Variants in PCSK5 observed in about 807,000 individuals in gnomAD.
PCSK5 encodes prohormone convertase 5.
In PCSK5, 129 loss-of-function variants were observed where a neutral mutation model predicts 233.2. That is an observed-to-expected ratio of 0.55 (90% CI 0.48 to 0.64). PCSK5 has a LOEUF of 0.64. Ranked by LOEUF, PCSK5 falls within the 30% of genes least tolerant of loss-of-function variation. The pLI is 0.00. For missense variants in PCSK5, 2,076 were observed against 2,430.1 expected (o/e 0.85, Z 3.06); for synonymous variants, 825 against 879.2 (o/e 0.94, Z 1.09).
chr9:75,930,992 C>G (rs1189091303), intron 1 of PCSK5, among the ~76,000 whole-genome samples: 1 of 152,184 alleles, frequency 6.6e-6, no homozygotes, highest in Admixed American at 6.5e-5. Context: ...GCTTCCCCGC[C>G]TGCATTCCCC....
chr9:75,998,825 A>G (rs1827136037), intron 3 of PCSK5, among the ~76,000 whole-genome samples: 1 of 152,230 alleles, frequency 6.6e-6, no homozygotes, highest in African/African-American at 2.4e-5. Context: ...GTCTTAAAAC[A>G]AATAGCATAC....
intron 33 of PCSK5, among the ~76,000 whole-genome samples, chr9:76,330,277 A>C (rs1225482440): frequency 6.6e-6 from 1 of 152,228 alleles, no homozygotes; most frequent in Non-Finnish European, 1.5e-5. Flanking sequence ...TCAGGTTCCC[A>C]GGGATACTGT....
intron 2 of PCSK5, among the ~76,000 whole-genome samples, chr9:75,938,893 G>C (rs1824178710): frequency 6.6e-6 from 1 of 152,078 alleles, no homozygotes. Flanking sequence ...CATGTGAAAT[G>C]GCTTCGTGGA....
chr9:76,267,839 T>A (rs1350892992), intron 24 of PCSK5, among the ~76,000 whole-genome samples: 2 of 152,168 alleles, frequency 1.3e-5, no homozygotes, highest in Non-Finnish European at 2.9e-5. Flanking sequence ...ATTTTTGTTC[T>A]CTTTAAGAAT....
chr9:76,045,748 G>C (rs897386177), intron 5 of PCSK5, among the ~76,000 whole-genome samples: 1 of 152,010 alleles, frequency 6.6e-6, no homozygotes, highest in African/African-American at 2.4e-5. Flanking sequence ...GGTCTTCCTG[G>C]TTCTCTACCT....
intron 12 of PCSK5, among the ~76,000 whole-genome samples, chr9:76,162,453 GA>G (rs1323483252): frequency 6.6e-6 from 1 of 152,104 alleles, no homozygotes; most frequent in Non-Finnish European, 1.5e-5. Context: ...CAAGGGCACA[GA>G]AAGGGGTGGA....
At chr9:76,204,563 T>C (rs909454663) in intron 20 of PCSK5, among the ~76,000 whole-genome samples, 3 of 152,014 alleles carry the variant, frequency 2.0e-5, no homozygotes, top group Admixed American at 6.6e-5. Flanking sequence ...CTGGACCCTT[T>C]GCAGACATGG....
chr9:75,972,902 GA>G (rs1463475452), intron 2 of PCSK5, among the ~76,000 whole-genome samples: 4 of 152,268 alleles, frequency 2.6e-5, no homozygotes, highest in African/African-American at 9.6e-5. Context: ...AAGGGAGAGA[GA>G]AAAGATGTGC....
intron 34 of PCSK5, among the ~76,000 whole-genome samples, chr9:76,335,314 G>A (rs1234979120): frequency 2.0e-5 from 3 of 152,174 alleles, no homozygotes; most frequent in Admixed American, 6.5e-5. Context: ...GCTGGTGGGG[G>A]GAGGCACAGG....
intron 1 of PCSK5, among the ~76,000 whole-genome samples, chr9:75,924,533 T>C (rs1297616763): frequency 6.6e-6 from 1 of 152,000 alleles, no homozygotes; most frequent in African/African-American, 2.4e-5. Flanking sequence ...ATTGCCGGCA[T>C]GGAAACACTA....
intron 24 of PCSK5, among the ~76,000 whole-genome samples, chr9:76,250,508 A>T (rs1207940008): frequency 6.6e-6 from 1 of 152,208 alleles, no homozygotes; most frequent in African/African-American, 2.4e-5. Context: ...AATGAGAACC[A>T]CTTTACCTCT....
intron 7 of PCSK5, among the ~76,000 whole-genome samples, chr9:76,085,305 G>C (rs1479801077): frequency 6.6e-6 from 1 of 152,180 alleles, no homozygotes; most frequent in African/African-American, 2.4e-5. Context: ...TTCTCTTCCT[G>C]TTCATCCTTG....
chr9:76,353,896 G>T, intron 36 of PCSK5, 137 bp from the exon 37 acceptor site: 1 of 658,262 alleles, frequency 1.5e-6, no homozygotes. Context: ...GTTAAAATGG[G>T]CTTAGAACAC....
At chr9:76,140,463 AAG>A (rs1823164626) in intron 10 of PCSK5, among the ~76,000 whole-genome samples, 1 of 152,136 alleles carries the variant, frequency 6.6e-6, no homozygotes, top group African/African-American at 2.4e-5. Context: ...ACCAAACAAA[AAG>A]AGTCTTAAAA....
At chr9:75,926,493 C>A (rs945588267) in intron 1 of PCSK5, among the ~76,000 whole-genome samples, 2 of 152,124 alleles carry the variant, frequency 1.3e-5, no homozygotes, top group South Asian at 4.1e-4. Context: ...TGTTAGAAGG[C>A]GATGAGGAGG....
At chr9:76,085,977 T>G (rs1831047199) in intron 7 of PCSK5, among the ~76,000 whole-genome samples, 1 of 152,234 alleles carries the variant, frequency 6.6e-6, no homozygotes, top group South Asian at 2.1e-4. Flanking sequence ...ATAAATGTTT[T>G]TATTCTCTAT....
At chr9:76,208,640 G>C (rs1313734402) in intron 20 of PCSK5, among the ~76,000 whole-genome samples, 2 of 152,132 alleles carry the variant, frequency 1.3e-5, no homozygotes, top group Non-Finnish European at 2.9e-5. Context: ...TAAGTCATCT[G>C]TTCTTAAAAA....
rs117998812 is a variant in PCSK5 at position 76,329,167 on chromosome 9, G to A, written c.4570+928G>A. ...GTTTTAAGAGACAAGTTGGCCAGGC[G>A]CAGTACCCAGGCTGTTGGAGTGCAG... On this transcript the variant is annotated intron_variant, in intron 33 of 37. Transcript: ENST00000674117. Among the ~76,000 whole-genome samples, 83 of 151,190 alleles carry A rather than the reference G, an allele frequency of 5.5e-4. No individual in the cohort carries two copies. In the East Asian group the frequency reaches 0.014, roughly 25 times the overall value.
chr9:75,976,776 CAA>C (rs1234198303), intron 2 of PCSK5, among the ~76,000 whole-genome samples: 2 of 151,276 alleles, frequency 1.3e-5, no homozygotes, highest in Non-Finnish European at 2.9e-5. Context: ...TATTTAATAT[CAA>C]AATATTAAAA....
Sources: gnomAD v4.1 joint callset for allele counts (sites outside exome capture counted in the v4.1 genomes callset) on GRCh38, gnomAD v4.1.1 for gene constraint, MANE v1.5 for transcripts, NCBI Gene and HGNC (gene_info 2026-07-23, HGNC 2026-07-21) for gene names.